TUSC3: variants seen among roughly 807,000 people sequenced by gnomAD.
TUSC3 encodes tumor suppressor candidate 3, also known as dolichyl-diphosphooligosaccharide--protein glycosyltransferase subunit TUSC3.
A neutral mutation model predicts 44.8 loss-of-function variants in TUSC3; 45 were observed. The observed-to-expected ratio is 1.00, with a 90% CI of 0.79 to 1.29. The LOEUF is 1.29. TUSC3 is among the 50% of genes most tolerant of loss of function. The pLI, the probability that TUSC3 is intolerant of heterozygous loss-of-function variation, is 0.00. For missense variants in TUSC3, 519 were observed against 437.9 expected, an observed-to-expected ratio of 1.19 and a Z score of -1.65; for synonymous variants, 212 against 152.9, an observed-to-expected ratio of 1.39 and a Z score of -2.85.
intron 1 of TUSC3, among the ~76,000 whole-genome samples, chr8:15,547,127 A>G (rs77001499): frequency 0.022 from 3,355 of 151,860 alleles, 105 homozygotes; most frequent in African/African-American, 0.043. Context: ...TTTGAAGGTG[A>G]AAAATAAATT....
chr8:15,447,072 GATA>G (rs986497327), intron 1 of TUSC3, among the ~76,000 whole-genome samples: 5 of 151,680 alleles, frequency 3.3e-5, no homozygotes, highest in African/African-American at 1.2e-4. Context: ...AATAGGATAA[GATA>G]ATGAGAAAAG....
At chr8:15,849,079 C>A in the TUSC3 span, among the ~76,000 whole-genome samples, 1 of 152,076 alleles carries the variant, frequency 6.6e-6, no homozygotes, top group African/African-American at 2.4e-5. Flanking sequence ...TGACTAAGAA[C>A]TTTTCAGATT....
intron 2 of TUSC3, among the ~76,000 whole-genome samples, chr8:15,629,389 C>T (rs13260667): frequency 0.32 from 49,183 of 151,706 alleles, 8,480 homozygotes; most frequent in East Asian, 0.41. Flanking sequence ...GCAGAGTGGA[C>T]CAAAGAGATT....
At chr8:15,704,257 T>G (rs1683743925) in intron 6 of TUSC3, among the ~76,000 whole-genome samples, 2 of 145,914 alleles carry the variant, frequency 1.4e-5, no homozygotes, top group Non-Finnish European at 3.0e-5. Context: ...TCTTAATGGT[T>G]TTTTTTTTTT....
chr8:15,501,680 C>G (rs544450232), intron 2 of TUSC3, among the ~76,000 whole-genome samples: 5 of 152,302 alleles, frequency 3.3e-5, no homozygotes, highest in African/African-American at 1.2e-4. Flanking sequence ...ATATTACTCT[C>G]TTCCTGTCCT....
chr8:15,659,581 C>A lies in TUSC3; in HGVS notation c.501C>A (p.Asp167Glu). The change falls in exon 4 of 11, where the codon GAC becomes GAA. Residue 167 changes from aspartate (D) to glutamate (E), a missense_variant. Asp to Glu is a conservative substitution (Grantham distance 45). Transcript: ENST00000503731. ...GACCTAAGAGAGCTGATACTTTTGA[C>A]CTCCAAAGAATTGGATTTGCAGCTG... ...KGRPKRADTFDLQRIGFAAEQ... is the reference protein window; with the variant it reads ...KGRPKRADTFELQRIGFAAEQ... The A allele has an allele frequency of 6.2e-7, 1 of 1,613,476 alleles. No individual in the cohort carries two copies. Among genetic ancestry groups the A allele is most frequent in the East Asian group, 2.2e-5 (1 of 44,820 alleles).
intron 2 of TUSC3, among the ~76,000 whole-genome samples, chr8:15,527,781 C>G (rs1036625449): frequency 1.3e-5 from 2 of 152,172 alleles, no homozygotes; most frequent in African/African-American, 4.8e-5. Context: ...GCACTAGTTA[C>G]TGATTATCAA....
At chr8:15,506,597 C>T (rs1026579292) in intron 2 of TUSC3, among the ~76,000 whole-genome samples, 4 of 152,110 alleles carry the variant, frequency 2.6e-5, no homozygotes, top group African/African-American at 9.7e-5. Context: ...AAGGGAGGAG[C>T]AAAGACACGC....
At chr8:15,546,068 A>G (rs1199645628) in intron 1 of TUSC3, among the ~76,000 whole-genome samples, 1 of 151,794 alleles carries the variant, frequency 6.6e-6, no homozygotes, top group African/African-American at 2.4e-5. Flanking sequence ...CAAGTACATA[A>G]ACAAAGGTTT....
chr8:15,445,161 G>T (rs977063771), intron 1 of TUSC3, among the ~76,000 whole-genome samples: 1 of 152,148 alleles, frequency 6.6e-6, no homozygotes, highest in Non-Finnish European at 1.5e-5. Context: ...TTCAATGACC[G>T]TGGGTCTGGA....
chr8:15,738,274 T>C (rs1222275847), intron 7 of TUSC3, among the ~76,000 whole-genome samples: 1 of 152,164 alleles, frequency 6.6e-6, no homozygotes, highest in African/African-American at 2.4e-5. Context: ...CACTTTAAGG[T>C]TGTGTGCACA....
chr8:15,565,412 G>T (rs1245219390), intron 1 of TUSC3, among the ~76,000 whole-genome samples: 1 of 152,068 alleles, frequency 6.6e-6, no homozygotes, highest in Non-Finnish European at 1.5e-5. Flanking sequence ...CAATTAACCT[G>T]TTTCTTGGAA....
chr8:15,636,458 C>G (rs1806080606), intron 2 of TUSC3, among the ~76,000 whole-genome samples: 1 of 152,136 alleles, frequency 6.6e-6, no homozygotes, highest in Non-Finnish European at 1.5e-5. Context: ...TCCAAGTAGA[C>G]CAACCCCAGA....
At chr8:15,437,948 C>G (rs982786540) in intron 1 of TUSC3, among the ~76,000 whole-genome samples, 4 of 152,208 alleles carry the variant, frequency 2.6e-5, no homozygotes, top group African/African-American at 9.7e-5. Context: ...GTATGAGAAG[C>G]AGGCAGAATA....
intron 1 of TUSC3, among the ~76,000 whole-genome samples, chr8:15,588,674 G>A (rs1160025632): frequency 6.6e-6 from 1 of 152,082 alleles, no homozygotes; most frequent in Non-Finnish European, 1.5e-5. Context: ...TCTTCTAGTA[G>A]TTTTATAGTT....
At position 15,578,099 on chromosome 8, in the gene TUSC3, G is replaced by T. The variant is rs1370492804; in HGVS notation, c.138+37531G>T. ...CAATTGTGAATGGGAGTTCACTCAT[G>T]ATTTGGCTCTCCGTTTGTCTGTTGT... On this transcript the variant is annotated intron_variant, in intron 1 of 10. Transcript: ENST00000503731. 7.7e-3 allele frequency among the ~76,000 whole-genome samples: 1,152 copies of T among 150,304 alleles called. 13 individuals are homozygous for T. The highest frequency in any genetic ancestry group is 0.021 in the Middle Eastern group (6 of 290).
intron 9 of TUSC3, among the ~76,000 whole-genome samples, chr8:15,749,758 CTCTAG>C (rs1811612168): frequency 1.4e-5 from 2 of 147,492 alleles, no homozygotes; most frequent in African/African-American, 5.0e-5. Context: ...TTTTGCCCTG[CTCTAG>C]GATTGAGAAT....
At chr8:15,811,265 A>G in the TUSC3 span, among the ~76,000 whole-genome samples, 1 of 152,172 alleles carries the variant, frequency 6.6e-6, no homozygotes, top group African/African-American at 2.4e-5. Flanking sequence ...CTGTTGTCAC[A>G]TTCCAAAGAG....
intron 2 of TUSC3, among the ~76,000 whole-genome samples, chr8:15,640,796 G>A (rs1221616106): frequency 6.6e-6 from 1 of 152,106 alleles, no homozygotes; most frequent in East Asian, 1.9e-4. Context: ...AACTGACCTG[G>A]CTGCTGCTCT....
Sources: gnomAD v4.1 joint callset for allele counts (sites outside exome capture counted in the v4.1 genomes callset) on GRCh38, gnomAD v4.1.1 for gene constraint, MANE v1.5 for transcripts, NCBI Gene and HGNC (gene_info 2026-07-23, HGNC 2026-07-21) for gene names.